RASSF7: variants seen among roughly 807,000 people sequenced by gnomAD.
The protein encoded by RASSF7 is ras association domain-containing protein 7.
A neutral mutation model predicts 33.8 loss-of-function variants in RASSF7; 41 were observed. The ratio of observed to expected loss-of-function variants is 1.21; its 90% CI spans 0.95 to 1.57. The LOEUF is 1.57. Among genes scored for constraint, RASSF7 ranks in the 40% most tolerant of loss-of-function variants. The pLI, the probability that RASSF7 is intolerant of heterozygous loss-of-function variation, is 0.00. For missense variants in RASSF7, 622 were observed against 497.0 expected, an observed-to-expected ratio of 1.25 and a Z score of -2.39; for synonymous variants, 298 against 212.8, an observed-to-expected ratio of 1.40 and a Z score of -3.48.
Position 563,558 on chromosome 11 carries a change from T to C in RASSF7, c.1035T>C (p.Gly345=). 1.2e-6 allele frequency: 2 copies of C among 1,612,078 alleles called. No homozygotes were observed. Among genetic ancestry groups the C allele is most frequent in the South Asian group, 1.1e-5 (1 of 91,068 alleles). The change falls in exon 6 of 6, where the codon GGT becomes GGC. Residue 345 remains glycine (G), a splice_region_variant and synonymous_variant. Transcript: ENST00000397583. Reference sequence around the variant, plus strand: ...CACCTCAGCCTGTGTCCTCCCGCAGTGGCCCCCATGACGCAGAACTCCTGG... The same window carrying C: ...CACCTCAGCCTGTGTCCTCCCGCAGCGGCCCCCATGACGCAGAACTCCTGG... The part of the protein sequence containing the change: ...SHAGAQPRPR[G]GPHDAELLEV...
chr11:562,318 T>C lies in RASSF7; in HGVS notation c.364T>C (p.Cys122Arg), dbSNP rs1170628016. The C allele has an allele frequency of 1.2e-6, 2 of 1,611,502 alleles. No individual in the cohort carries two copies. The highest frequency in any genetic ancestry group is 1.7e-5 in the Admixed American group (1 of 59,902). ...TGTAAAGCCACGGGCTGCGCTGGGCTGTGAGCCCCGCAAAACACTGACCCC... is the reference window on the plus strand; with the variant it reads ...TGTAAAGCCACGGGCTGCGCTGGGCCGTGAGCCCCGCAAAACACTGACCCC... ...LPVKPRAALG[C>R]EPRKTLTPEP... Residue 122 changes from cysteine to arginine, a missense_variant, in exon 3 of 6, where the codon TGT (cysteine) becomes CGT (arginine). Physicochemically the swap from Cys to Arg is radical, Grantham distance 180. Coordinates refer to ENST00000397583, the MANE Select transcript of RASSF7 (RefSeq NM_003475.4).
At position 562,527 on chromosome 11, in the gene RASSF7, A is replaced by G; in HGVS notation, c.573A>G (p.Ala191=). The change falls in exon 3 of 6, where the codon GCA becomes GCG. Residue 191 remains alanine, a synonymous_variant. Coordinates refer to ENST00000397583, the MANE Select transcript of RASSF7 (RefSeq NM_003475.4). ...REQAREREGQ[A]RLQALSAATA... is the part of the protein sequence containing the mutation. Reference sequence around the variant, plus strand: ...AGGCCCGGGAGCGAGAGGGACAGGCACGCCTGCAGGCACTAAGTGCGGCCA... The same window carrying G: ...AGGCCCGGGAGCGAGAGGGACAGGCGCGCCTGCAGGCACTAAGTGCGGCCA... 6.5e-7 allele frequency: 1 copy of G among 1,548,888 alleles called. No individual in the cohort carries two copies.
In RASSF7 at chr11:562,256, C is replaced by T. The variant is rs200079468; in HGVS notation, c.302C>T (p.Pro101Leu). The T allele has an allele frequency of 3.8e-4, 617 of 1,612,936 alleles. 1 individual carries two copies. The highest frequency in any genetic ancestry group is 5.0e-4 in the Non-Finnish European group (590 of 1,179,956). ...LAGRPSSDSCPPPERCLIRAS... is the reference protein window; with the variant it reads ...LAGRPSSDSCLPPERCLIRAS... ...GGGAGGCCCTCCTCAGACAGCTGTC[C>T]ACCCCCGGAACGCTGCCTAATTCGT... Residue 101 changes from proline to leucine, a missense_variant, in exon 3 of 6, where the codon CCA becomes CTA. Physicochemically the swap from Pro to Leu is moderately conservative, Grantham distance 98. Coordinates refer to ENST00000397583, the MANE Select transcript of RASSF7 (RefSeq NM_003475.4).
rs1853341384 is a variant in RASSF7 at position 561,955 on chromosome 11, G to C, written c.124+63G>C. 3.7e-6 allele frequency: 6 copies of C among 1,602,476 alleles called. No individual in the cohort carries two copies. The East Asian group carries it at 1.3e-4, about 36-fold the overall frequency. On this transcript the variant is annotated intron_variant, in intron 2 of 5. Coordinates refer to ENST00000397583, the MANE Select transcript of RASSF7 (RefSeq NM_003475.4). The stretch of plus-strand genomic sequence containing the variant: ...AGCTGAAGTGGGACCTGGTGGTCCA[G>C]CTCCATGGTCTCCCCCAAGGAGAGT...
chr11:563,631 C>G lies in RASSF7; in HGVS notation c.1108C>G (p.Pro370Ala). 6.2e-7 allele frequency: 1 copy of G among 1,610,516 alleles called. No individual in the cohort carries two copies. Among genetic ancestry groups the G allele is most frequent in the Middle Eastern group, 1.7e-4 (1 of 5,866 alleles). ...APEWCPLAAQ[P>A]QAL ...AGAGTGGTGTCCTCTGGCAGCCCAGCCCCAGGCTCTGTGACAGCCTAGTGA... is the reference window on the plus strand; with the variant it reads ...AGAGTGGTGTCCTCTGGCAGCCCAGGCCCAGGCTCTGTGACAGCCTAGTGA... The change falls in exon 6 of 6, where the codon CCC becomes GCC. Residue 370 changes from proline to alanine, a missense_variant. By Grantham distance (27) the Pro-to-Ala change is conservative. Transcript: ENST00000397583.
rs924220769 is a variant in RASSF7 at position 562,468 on chromosome 11, G to A, written c.514G>A (p.Glu172Lys). 2.6e-6 allele frequency: 4 copies of A among 1,550,414 alleles called. No individual in the cohort carries two copies. The African/African-American group carries it at 4.1e-5, about 16-fold the overall frequency. ...GAGGAATGCTGAGGAGCTGGGCCAT[G>A]AGGCCTTCTGGGAGCAAGAGCTGCG... ...VQRNAEELGHEAFWEQELRRE... is the reference protein window; with the variant it reads ...VQRNAEELGHKAFWEQELRRE... Residue 172 changes from glutamate (E) to lysine (K), a missense_variant, in exon 3 of 6, where the codon GAG (glutamate) becomes AAG (lysine). Glu to Lys is a moderately conservative substitution (Grantham distance 56). Transcript: ENST00000397583.
intron 2 of RASSF7, 64 bp downstream of exon 2, chr11:561,956 C>T: frequency 1.9e-6 from 3 of 1,600,834 alleles, no homozygotes; most frequent in Non-Finnish European, 2.6e-6. Context: ...GGTGGTCCAG[C>T]TCCATGGTCT....
Position 561,741 on chromosome 11 carries a change from GT to G in RASSF7, c.-7-20del. 1 of 1,612,848 alleles carries G rather than the reference GT, an allele frequency of 6.2e-7. No homozygotes were observed. The highest frequency in any genetic ancestry group is 8.5e-7 in the Non-Finnish European group (1 of 1,179,968). Reference sequence around the variant, plus strand: ...ATAGGAGTAGGCAGGTCCTGACCCGGTGCCTGCGCCCTCCCCACAGGACAGG... The same window carrying G: ...ATAGGAGTAGGCAGGTCCTGACCCGGGCCTGCGCCCTCCCCACAGGACAGG... On this transcript the variant is annotated intron_variant, in intron 1 of 5. Transcript: ENST00000397583.
chr11:561,005 A>G lies in RASSF7; in HGVS notation c.-480A>G. 2 of 1,032,844 alleles carry G rather than the reference A, an allele frequency of 1.9e-6. No individual in the cohort carries two copies. Among genetic ancestry groups the G allele is most frequent in the Non-Finnish European group, 2.3e-6 (2 of 861,894 alleles). 64.0% of individuals were successfully genotyped at this position (1,032,844 alleles called of 1,614,324 possible). A position where few individuals can be genotyped will look rare whatever the true frequency, so the allele number is the denominator to read the frequency against. The stretch of plus-strand genomic sequence containing the variant: ...GGGCGGCAGGTTGCGGCGGCGCCGG[A>G]GCGGGTCTCCAGGCTGGCGAGCGCC... On this transcript the variant is annotated 5_prime_UTR_variant, in exon 1 of 6. Coordinates refer to ENST00000397583, the MANE Select transcript of RASSF7 (RefSeq NM_003475.4).
Position 562,712 on chromosome 11 carries a change from C to A in RASSF7, c.758C>A (p.Ala253Glu). The change falls in exon 3 of 6, where the codon GCG (alanine) becomes GAG (glutamate). Residue 253 changes from alanine (A) to glutamate (E), a missense_variant. Coordinates refer to ENST00000397583, the MANE Select transcript of RASSF7 (RefSeq NM_003475.4). ...QDLAVQERQSAEVQGSLALVS... is the reference protein window; with the variant it reads ...QDLAVQERQSEEVQGSLALVS... ...CTGGCTGTTCAGGAGCGGCAGAGTGCGGAGGTGCAGGGCAGCCTGGCTCTG... is the reference window on the plus strand; with the variant it reads ...CTGGCTGTTCAGGAGCGGCAGAGTGAGGAGGTGCAGGGCAGCCTGGCTCTG... The A allele has an allele frequency of 6.5e-7, 1 of 1,541,424 alleles. No homozygotes were observed. The highest frequency in any genetic ancestry group is 8.7e-7 in the Non-Finnish European group (1 of 1,146,260).
Position 561,361 on chromosome 11 carries a change from G to A in RASSF7, c.-124G>A. 1 of 1,028,966 alleles carries A rather than the reference G, an allele frequency of 9.7e-7. No homozygotes were observed. Among genetic ancestry groups the A allele is most frequent in the Non-Finnish European group, 1.2e-6 (1 of 858,792 alleles). The allele number at this position is 1,028,966 out of a possible 1,614,324, so 63.7% of individuals were successfully genotyped here. A position where few individuals can be genotyped will look rare whatever the true frequency, so the allele number is the denominator to read the frequency against. ...GGGTCGAGGTCTGGGTTGCGACCCC[G>A]AGCGCCTCTGCGGCCTGAGCAGGTC... On this transcript the variant is annotated 5_prime_UTR_variant, in exon 1 of 6. Transcript: ENST00000397583.
chr11:563,702 G>A lies in RASSF7; in HGVS notation c.*57G>A. 2 of 1,470,626 alleles carry A rather than the reference G, an allele frequency of 1.4e-6. No homozygotes were observed. The highest frequency in any genetic ancestry group is 2.4e-5 in the South Asian group (2 of 83,296). 91.1% of individuals were successfully genotyped at this position (1,470,626 alleles called of 1,614,324 possible). On this transcript the variant is annotated 3_prime_UTR_variant, in exon 6 of 6. Coordinates refer to ENST00000397583, the MANE Select transcript of RASSF7 (RefSeq NM_003475.4). ...CCGGACCACAGAAGGAGAGTTGGCG[G>A]TCACAGAGGGCTCCTCTGCCAGGCA...
rs1853326900 is a variant in RASSF7, at chr11:561,777, G to C, written c.9G>C (p.Leu3Phe). 1 of 1,613,284 alleles carries C rather than the reference G, an allele frequency of 6.2e-7. No homozygotes were observed. Among genetic ancestry groups the C allele is most frequent in the Non-Finnish European group, 8.5e-7 (1 of 1,180,022 alleles). Residue 3 changes from leucine (L) to phenylalanine (F), a missense_variant, in exon 2 of 6, where the codon TTG becomes TTC. Leu to Phe is a conservative substitution (Grantham distance 22). Transcript: ENST00000397583. ...CTCCCCACAGGACAGGCATGTTGTT[G>C]GGACTGGCGGCCATGGAGCTGAAGG... ML[L>F]GLAAMELKVW...
At position 561,204 on chromosome 11, in the gene RASSF7, G is replaced by T; in HGVS notation, c.-281G>T. The T allele has an allele frequency of 1.0e-6, 1 of 985,072 alleles. No homozygotes were observed. The highest frequency in any genetic ancestry group is 1.2e-6 in the Non-Finnish European group (1 of 829,820). 61.0% of individuals were successfully genotyped at this position (985,072 alleles called of 1,614,324 possible). A position where few individuals can be genotyped will look rare whatever the true frequency, so the allele number is the denominator to read the frequency against. On this transcript the variant is annotated 5_prime_UTR_variant, in exon 1 of 6. Coordinates refer to ENST00000397583, the MANE Select transcript of RASSF7 (RefSeq NM_003475.4). ...GGACGCCCTGGCTCCCGCCAGGCTG[G>T]GGTCGCGGCGCGGGCTTCGGTGCCC... is the stretch of plus-strand genomic sequence containing the variant.
chr11:561,390 G>A lies in RASSF7; in HGVS notation c.-95G>A. 2 of 1,114,748 alleles carry A rather than the reference G, an allele frequency of 1.8e-6. No individual in the cohort carries two copies. The highest frequency in any genetic ancestry group is 5.0e-5 in the South Asian group (2 of 40,270). The allele number at this position is 1,114,748 out of a possible 1,614,324, so 69.1% of individuals were successfully genotyped here. A position where few individuals can be genotyped will look rare whatever the true frequency, so the allele number is the denominator to read the frequency against. On this transcript the variant is annotated 5_prime_UTR_variant, in exon 1 of 6. In the 5' UTR this introduces an upstream ATG that the reference lacks. Transcript: ENST00000397583. ...GCCTCTGCGGCCTGAGCAGGTCGGG[G>A]TGGGGCGTTCCCATGCCGGCGGCCG... is the stretch of plus-strand genomic sequence containing the variant.
rs987440214 is a variant in RASSF7 at position 561,816 on chromosome 11, C to T, written c.48C>T (p.Gly16=). 34 of 1,613,242 alleles carry T rather than the reference C, an allele frequency of 2.1e-5. No homozygotes were observed. Among genetic ancestry groups the T allele is most frequent in the Non-Finnish European group, 2.8e-5 (33 of 1,179,996 alleles). The stretch of plus-strand genomic sequence containing the variant: ...TGGAGCTGAAGGTGTGGGTGGATGG[C>T]ATCCAGCGTGTGGTCTGTGGGGTCT... ...AAMELKVWVD[G]IQRVVCGVSE... The change falls in exon 2 of 6, where the codon GGC becomes GGT. Residue 16 remains glycine, a synonymous_variant. Transcript: ENST00000397583.
rs1318794908 is a variant in RASSF7, at chr11:562,649, C to T, written c.695C>T (p.Ser232Leu). 3 of 1,543,786 alleles carry T rather than the reference C, an allele frequency of 1.9e-6. No individual in the cohort carries two copies. The highest frequency in any genetic ancestry group is 2.4e-5 in the East Asian group (1 of 40,916). The change falls in exon 3 of 6, where the codon TCA (serine) becomes TTA (leucine). Residue 232 changes from serine to leucine, a missense_variant. Coordinates refer to ENST00000397583, the MANE Select transcript of RASSF7 (RefSeq NM_003475.4). ...GCAGCGGAGGCCCCTGGGCCCCCCTCACCTATGGCATCTGCCACTGAGCGC... is the reference window on the plus strand; with the variant it reads ...GCAGCGGAGGCCCCTGGGCCCCCCTTACCTATGGCATCTGCCACTGAGCGC... ...QLAAEAPGPPSPMASATERLH... is the reference protein window; with the variant it reads ...QLAAEAPGPPLPMASATERLH...
At chr11:561,661 G>C in intron 1 of RASSF7, 101 bp from the exon 2 acceptor site, 1 of 1,537,848 alleles carries the variant, frequency 6.5e-7, no homozygotes, top group Middle Eastern at 2.3e-4. Flanking sequence ...AGGGGCGGCA[G>C]CCCAGCCGTT....
At position 563,784 on chromosome 11, in the gene RASSF7, G is replaced by T; in HGVS notation, c.*139G>T. On this transcript the variant is annotated 3_prime_UTR_variant, in exon 6 of 6. Transcript: ENST00000397583. The stretch of plus-strand genomic sequence containing the variant: ...GGGGGTGCAGTGGGGGACTGCCCTA[G>T]TCCTTGCCAGGTCGCCAGCACCCTG... 2 of 800,160 alleles carry T rather than the reference G, an allele frequency of 2.5e-6. No individual in the cohort carries two copies. The highest frequency in any genetic ancestry group is 3.9e-6 in the Non-Finnish European group (2 of 517,490). The allele number at this position is 800,160 out of a possible 1,614,324, so 49.6% of individuals were successfully genotyped here. A position where few individuals can be genotyped will look rare whatever the true frequency, so the allele number is the denominator to read the frequency against.
Sources: gnomAD v4.1 joint callset for allele counts on GRCh38, gnomAD v4.1.1 for gene constraint, MANE v1.5 for transcripts, NCBI Gene and HGNC (gene_info 2026-07-23, HGNC 2026-07-21) for gene names.